Variants in MGAT4C observed in about 807,000 individuals in gnomAD.
The protein encoded by MGAT4C is MGAT4 family member C.
In MGAT4C, 19 loss-of-function variants were observed where a neutral mutation model predicts 40.1. That is an observed-to-expected ratio of 0.47 (90% CI 0.33 to 0.70). The LOEUF is 0.70. MGAT4C is among the 30% of genes least tolerant of loss of function. MGAT4C has a pLI of 0.02. For synonymous variants in MGAT4C, 181 were observed against 187.1 expected (o/e 0.97, Z 0.27); for missense variants, 491 against 563.2 (o/e 0.87, Z 1.30).
At chr12:86,699,275 A>C (rs1223141778) in intron 2 of MGAT4C, among the ~76,000 whole-genome samples, 4 of 152,188 alleles carry the variant, frequency 2.6e-5, no homozygotes, top group African/African-American at 9.6e-5. Context: ...TGAATCCTAC[A>C]GTCAGAAAAT....
chr12:86,420,350 G>T (rs1397478732), intron 3 of MGAT4C, among the ~76,000 whole-genome samples: 2 of 151,956 alleles, frequency 1.3e-5, no homozygotes, highest in Non-Finnish European at 2.9e-5. Flanking sequence ...CCACTACACT[G>T]CAGTCTGGAC....
intron 1 of MGAT4C, among the ~76,000 whole-genome samples, chr12:86,748,673 G>C (rs1951188763): frequency 6.6e-6 from 1 of 151,496 alleles, no homozygotes; most frequent in Admixed American, 6.6e-5. Flanking sequence ...ACATATCAGA[G>C]GGAGATGGTA....
At chr12:86,315,141 C>T (rs1433995693) in intron 4 of MGAT4C, among the ~76,000 whole-genome samples, 2 of 151,974 alleles carry the variant, frequency 1.3e-5, no homozygotes, top group African/African-American at 4.8e-5. Flanking sequence ...TCAAAAACAG[C>T]ATGATACTGG....
At chr12:86,051,190 A>G (rs978615703) in intron 1 of MGAT4C, among the ~76,000 whole-genome samples, 6 of 152,018 alleles carry the variant, frequency 3.9e-5, no homozygotes, top group Non-Finnish European at 8.8e-5. Flanking sequence ...GGTTTTGAAA[A>G]TATTATAACA....
At chr12:86,136,886 C>T (rs1479269810) in intron 1 of MGAT4C, among the ~76,000 whole-genome samples, 2 of 152,074 alleles carry the variant, frequency 1.3e-5, no homozygotes, top group African/African-American at 4.8e-5. Context: ...CGAGGTTTCA[C>T]CATGTTGGCC....
In MGAT4C at chr12:86,386,681, A is replaced by T. The variant is rs368978189; in HGVS notation, c.-120+48476T>A. 2.4e-4 allele frequency among the ~76,000 whole-genome samples: 36 copies of T among 152,360 alleles called. No individual in the cohort carries two copies. In the East Asian group the frequency reaches 2.5e-3, roughly 11 times the overall value. On this transcript the variant is annotated intron_variant, in intron 3 of 7. Transcript: ENST00000548651. ...AAATGATAAGAAATTGTTTACATTC[A>T]AACAAGTTAATATTTTGGACTACTA...
At chr12:86,606,745 T>TA (rs796428851) in intron 2 of MGAT4C, among the ~76,000 whole-genome samples, 25 of 151,228 alleles carry the variant, frequency 1.7e-4, no homozygotes, top group Admixed American at 1.1e-3. Flanking sequence ...GATTGCTGGA[T>TA]AAAAAAAAAG....
chr12:86,521,294 C>A (rs1418171047), intron 2 of MGAT4C, among the ~76,000 whole-genome samples: 1 of 152,088 alleles, frequency 6.6e-6, no homozygotes, highest in East Asian at 1.9e-4. Context: ...GTTTTGCTAA[C>A]CAGTTATTCT....
chr12:86,826,899 T>C (rs1403722535), intron 1 of MGAT4C, among the ~76,000 whole-genome samples: 1 of 151,380 alleles, frequency 6.6e-6, no homozygotes, highest in African/African-American at 2.4e-5. Context: ...AAAATAAAAT[T>C]TTTTTTGTTC....
chr12:86,471,801 C>T (rs1957761161), intron 2 of MGAT4C, among the ~76,000 whole-genome samples: 1 of 152,020 alleles, frequency 6.6e-6, no homozygotes, highest in African/African-American at 2.4e-5. Context: ...TGTTTACTAT[C>T]ATTCAAAGTA....
chr12:86,226,987 C>T (rs1437324412), intron 1 of MGAT4C, among the ~76,000 whole-genome samples: 1 of 151,854 alleles, frequency 6.6e-6, no homozygotes, highest in Non-Finnish European at 1.5e-5. Context: ...TGTCTTTATC[C>T]ACTCTTTAAA....
intron 1 of MGAT4C, among the ~76,000 whole-genome samples, chr12:86,248,378 T>A (rs1952130482): frequency 6.6e-6 from 1 of 152,060 alleles, no homozygotes; most frequent in African/African-American, 2.4e-5. Context: ...GATTTGTGAC[T>A]ACAACCCTGT....
intron 3 of MGAT4C, among the ~76,000 whole-genome samples, chr12:86,350,178 G>A (rs927421250): frequency 3.9e-5 from 6 of 151,942 alleles, no homozygotes; most frequent in African/African-American, 1.4e-4. Flanking sequence ...GATAATTCAG[G>A]AACCCCAGAC....
rs1345521175 is a variant in MGAT4C at position 85,979,369 on chromosome 12, T to C, written c.1357A>G (p.Ile453Val). The part of the protein sequence containing the change: ...SGVNQKIPFD[I>V]HCMRIYVTKT... ...GTGACATATATCCTCATACAATGTATATCAAATGGAATTTTTTGATTTACA... is the reference window on the plus strand; with the variant it reads ...GTGACATATATCCTCATACAATGTACATCAAATGGAATTTTTTGATTTACA... Residue 453 changes from isoleucine to valine, a missense_variant, in exon 5 of 5, where the codon ATA becomes GTA. Transcript: ENST00000611864. 4.3e-6 allele frequency: 7 copies of C among 1,612,196 alleles called. No individual in the cohort carries two copies. Among genetic ancestry groups the C allele is most frequent in the South Asian group, 1.1e-5 (1 of 91,028 alleles).
intron 1 of MGAT4C, among the ~76,000 whole-genome samples, chr12:86,121,621 C>T (rs964408340): frequency 6.6e-6 from 1 of 152,090 alleles, no homozygotes; most frequent in Non-Finnish European, 1.5e-5. Context: ...AATTTTCAAC[C>T]CAGAATTTCA....
upstream of MGAT4C, among the ~76,000 whole-genome samples, chr12:86,258,803 G>GTT (rs1952595612): frequency 2.0e-5 from 3 of 151,770 alleles, no homozygotes; most frequent in Admixed American, 1.3e-4. Context: ...AATTTGAATT[G>GTT]TTTAAAAATT....
chr12:86,776,303 T>C (rs1334252114), intron 1 of MGAT4C, among the ~76,000 whole-genome samples: 1 of 152,024 alleles, frequency 6.6e-6, no homozygotes, highest in Non-Finnish European at 1.5e-5. Flanking sequence ...TGAGTATTTA[T>C]AAAACATTAT....
chr12:86,703,879 C>G lies in MGAT4C; in HGVS notation c.-229+23330G>C, dbSNP rs80218791. 8.1e-4 allele frequency among the ~76,000 whole-genome samples: 124 copies of G among 152,220 alleles called. 2 individuals carry two copies. The highest frequency in any genetic ancestry group is 2.8e-3 in the African/African-American group (118 of 41,546). ...TAAAAAGGGCTTAAATATTCGGAAT[C>G]TATCATAAGTTCTCAGGATTTATGG... On this transcript the variant is annotated intron_variant, in intron 2 of 7. Transcript: ENST00000548651.
chr12:86,497,438 C>A (rs921091830), intron 2 of MGAT4C, among the ~76,000 whole-genome samples: 1 of 151,866 alleles, frequency 6.6e-6, no homozygotes, highest in Non-Finnish European at 1.5e-5. Context: ...GAAATTGTTA[C>A]TTTTATTGTG....
Sources: allele counts gnomAD v4.1 joint callset (sites outside exome capture counted in the v4.1 genomes callset), GRCh38; gene constraint gnomAD v4.1.1; transcripts MANE v1.5; gene names NCBI Gene and HGNC (gene_info 2026-07-23, HGNC 2026-07-21).